LARGE1: variants seen among roughly 807,000 people sequenced by gnomAD.
The protein encoded by LARGE1 is LARGE xylosyl- and glucuronyltransferase 1.
In LARGE1, 43 loss-of-function variants were observed where a neutral mutation model predicts 87.6. That is an observed-to-expected ratio of 0.49 (90% CI 0.38 to 0.63). The LOEUF (loss-of-function observed/expected upper bound fraction) is 0.63, where lower values mean the gene tolerates loss of function less well. LARGE1 is among the 30% of genes least tolerant of loss of function. The pLI is 0.00. For synonymous variants in LARGE1, 434 were observed against 394.6 expected, an observed-to-expected ratio of 1.10 and a Z score of -1.18; for missense variants, 802 against 1,000.2, an observed-to-expected ratio of 0.80 and a Z score of 2.67.
At chr22:33,201,040 G>C (rs1924354309) in intron 11 of LARGE1, among the ~76,000 whole-genome samples, 1 of 152,202 alleles carries the variant, frequency 6.6e-6, no homozygotes, top group Admixed American at 6.5e-5. Flanking sequence ...CGGGTGCAGT[G>C]ACTCATGCCT....
At position 33,816,665 on chromosome 22, in the gene LARGE1, C is replaced by T. The variant is rs112640253; in HGVS notation, c.-82-55107G>A. ...GTGGACATACAGACAGACGGATGCACGGATGGATGGATAGATAGATAGATA... is the reference window on the plus strand; with the variant it reads ...GTGGACATACAGACAGACGGATGCATGGATGGATGGATAGATAGATAGATA... On this transcript the variant is annotated intron_variant, in intron 1 of 14. Coordinates refer to ENST00000397394, the MANE Select transcript of LARGE1 (RefSeq NM_133642.5). 5.4e-3 allele frequency among the ~76,000 whole-genome samples: 681 copies of T among 125,912 alleles called. 3 individuals carry two copies. The highest frequency in any genetic ancestry group is 0.018 in the African/African-American group (626 of 34,420). The allele number at this position is 125,912 out of a possible 152,430, so 82.6% of individuals were successfully genotyped here.
chr22:33,248,857 G>T (rs940324680), intron 11 of LARGE1, among the ~76,000 whole-genome samples: 12 of 152,090 alleles, frequency 7.9e-5, no homozygotes, highest in African/African-American at 2.7e-4. Context: ...TGCATTTAAG[G>T]TTCCTCCGTG....
intron 11 of LARGE1, among the ~76,000 whole-genome samples, chr22:33,177,997 TCC>T (rs2146156355): frequency 6.6e-6 from 1 of 152,318 alleles, no homozygotes; most frequent in Non-Finnish European, 1.5e-5. Flanking sequence ...ACCTTGCTTC[TCC>T]TTCACTTTCC....
intron 11 of LARGE1, among the ~76,000 whole-genome samples, chr22:33,180,678 C>T (rs927452090): frequency 1.8e-4 from 28 of 152,262 alleles, no homozygotes; most frequent in African/African-American, 5.3e-4. Context: ...CCTAAATATC[C>T]GTTAACTGAT....
At chr22:33,081,055 T>C in the LARGE1 span, among the ~76,000 whole-genome samples, 1 of 152,172 alleles carries the variant, frequency 6.6e-6, no homozygotes, top group Non-Finnish European at 1.5e-5. Flanking sequence ...AATTCATATG[T>C]TGGATCCCTA....
intron 1 of LARGE1, among the ~76,000 whole-genome samples, chr22:33,819,174 G>A (rs1468308008): frequency 4.6e-5 from 7 of 152,138 alleles, no homozygotes; most frequent in Non-Finnish European, 7.3e-5. Flanking sequence ...GCTCCTGGGG[G>A]CTTTGGGATC....
chr22:33,382,205 C>T (rs570782624), intron 8 of LARGE1, among the ~76,000 whole-genome samples, 161 bp from the exon 9 acceptor site: 19 of 152,166 alleles, frequency 1.2e-4, no homozygotes, highest in African/African-American at 3.9e-4. Context: ...TGCCTGTTAT[C>T]TCTAGGAACC....
chr22:33,604,654 C>A (rs538201861), intron 4 of LARGE1, 96 bp from the exon 5 acceptor site: 12 of 1,491,826 alleles, frequency 8.0e-6, no homozygotes, highest in African/African-American at 4.1e-5. Flanking sequence ...TACGGTGGGG[C>A]ACGTTTCTAA....
intron 11 of LARGE1, among the ~76,000 whole-genome samples, chr22:33,311,180 T>A (rs956652105): frequency 6.6e-6 from 1 of 152,152 alleles, no homozygotes; most frequent in Non-Finnish European, 1.5e-5. Flanking sequence ...CAGGATGGTC[T>A]CCATCTCCTG....
At chr22:33,498,240 G>A (rs1171455592) in intron 6 of LARGE1, among the ~76,000 whole-genome samples, 1 of 152,024 alleles carries the variant, frequency 6.6e-6, no homozygotes, top group Non-Finnish European at 1.5e-5. Context: ...ATTGTGCCTT[G>A]TCCCTGGCCC....
intron 11 of LARGE1, among the ~76,000 whole-genome samples, chr22:33,184,986 A>T (rs547136925): frequency 3.9e-5 from 6 of 152,180 alleles, no homozygotes; most frequent in Non-Finnish European, 7.4e-5. Context: ...AGCCACTTTG[A>T]CAGTTTGATA....
chr22:33,457,231 G>A lies in LARGE1; in HGVS notation c.788-24966C>T, dbSNP rs576111065. 2.9e-4 allele frequency among the ~76,000 whole-genome samples: 44 copies of A among 149,614 alleles called. 1 individual carries two copies. The South Asian group carries it at 6.4e-3, about 22-fold the overall frequency. On this transcript the variant is annotated intron_variant, in intron 6 of 14. Transcript: ENST00000397394. Reference sequence around the variant, plus strand: ...AAACCTCTGCCTCCCAAGTTCAAGCGATTCTTGTGCCTCAGCCTCCCAAGT... The same window carrying A: ...AAACCTCTGCCTCCCAAGTTCAAGCAATTCTTGTGCCTCAGCCTCCCAAGT...
chr22:33,309,581 G>T (rs113351702), intron 11 of LARGE1, among the ~76,000 whole-genome samples: 1,582 of 152,258 alleles, frequency 0.01, 6 homozygotes, highest in South Asian at 0.022. Context: ...ACACCAAATC[G>T]ACCGAAGCCT....
chr22:33,517,002 CTT>C (rs1409599457), intron 6 of LARGE1, among the ~76,000 whole-genome samples: 1 of 152,182 alleles, frequency 6.6e-6, no homozygotes. Flanking sequence ...AACACGCACT[CTT>C]ATATTGCTAC....
chr22:33,245,687 T>A (rs1490379323), intron 11 of LARGE1, among the ~76,000 whole-genome samples: 1 of 152,224 alleles, frequency 6.6e-6, no homozygotes, highest in Non-Finnish European at 1.5e-5. Flanking sequence ...GGTGCACAGA[T>A]CACCTGAGGT....
chr22:33,141,192 TCTCA>T, the LARGE1 span, among the ~76,000 whole-genome samples: 145 of 135,416 alleles, frequency 1.1e-3, no homozygotes, highest in African/African-American at 3.1e-3. Flanking sequence ...TCTCTCTCTC[TCTCA>T]CACACACACA....
chr22:33,152,799 CAT>C, the LARGE1 span, among the ~76,000 whole-genome samples: 22 of 152,244 alleles, frequency 1.4e-4, no homozygotes, highest in Non-Finnish European at 2.2e-4. Flanking sequence ...TCATATTACA[CAT>C]ATGTTAGTTC....
rs1176930786 is a variant in LARGE1, at chr22:33,436,156, G to A, written c.788-3891C>T. Among the ~76,000 whole-genome samples, 12 of 152,206 alleles carry A rather than the reference G, an allele frequency of 7.9e-5. No individual in the cohort carries two copies. In the East Asian group the frequency reaches 1.7e-3, roughly 22 times the overall value. On this transcript the variant is annotated intron_variant, in intron 6 of 14. Coordinates refer to ENST00000397394, the MANE Select transcript of LARGE1 (RefSeq NM_133642.5). ...CCTAGCCCTGCCACCTTCTAGCTGC[G>A]TAGCCGTGAAAAAAATTGCTTAACC...
At chr22:33,568,055 C>G (rs1048025360) in intron 5 of LARGE1, among the ~76,000 whole-genome samples, 2 of 152,116 alleles carry the variant, frequency 1.3e-5, no homozygotes, top group Non-Finnish European at 2.9e-5. Flanking sequence ...TAACAAGAAC[C>G]GTGCAGTTAC....
Sources: gnomAD v4.1 joint callset for allele counts (sites outside exome capture counted in the v4.1 genomes callset) on GRCh38, gnomAD v4.1.1 for gene constraint, MANE v1.5 for transcripts, NCBI Gene and HGNC (gene_info 2026-07-23, HGNC 2026-07-21) for gene names.